MRPS9: variants seen among roughly 807,000 people sequenced by gnomAD.
The protein encoded by MRPS9 is small ribosomal subunit protein uS9m.
A neutral mutation model predicts 59.9 loss-of-function variants in MRPS9; 45 were observed. The observed-to-expected ratio is 0.75, with a 90% CI of 0.59 to 0.96. The LOEUF (loss-of-function observed/expected upper bound fraction) is 0.96, where lower values mean the gene tolerates loss of function less well. Ranked by LOEUF, MRPS9 falls within the 40% of genes least tolerant of loss-of-function variation. The pLI, the probability that MRPS9 is intolerant of heterozygous loss-of-function variation, is 0.00. For missense variants in MRPS9, 473 were observed against 481.1 expected, an observed-to-expected ratio of 0.98 and a Z score of 0.16; for synonymous variants, 171 against 166.8, an observed-to-expected ratio of 1.03 and a Z score of -0.19.
chr2:105,041,535 T>C (rs1175797937), intron 1 of MRPS9, among the ~76,000 whole-genome samples: 1 of 152,150 alleles, frequency 6.6e-6, no homozygotes, highest in Admixed American at 6.5e-5. Flanking sequence ...TCTGTTTTTT[T>C]TTTTTTAATC....
intron 2 of MRPS9, among the ~76,000 whole-genome samples, chr2:105,053,012 T>G (rs1471231397): frequency 2.0e-5 from 3 of 152,232 alleles, no homozygotes; most frequent in African/African-American, 7.2e-5. Context: ...TCCTCTGACC[T>G]TGGCCTCCCA....
intron 2 of MRPS9, among the ~76,000 whole-genome samples, chr2:105,065,210 T>G (rs139304908): frequency 6.6e-6 from 1 of 152,340 alleles, no homozygotes; most frequent in East Asian, 1.9e-4. Flanking sequence ...TCTCCTAATT[T>G]TACTACTAAA....
At chr2:105,039,297 A>G (rs1174967979) in intron 1 of MRPS9, among the ~76,000 whole-genome samples, 3 of 147,440 alleles carry the variant, frequency 2.0e-5, no homozygotes, top group African/African-American at 5.0e-5. Flanking sequence ...AGTCCATTCT[A>G]TCTATTCATG....
At chr2:105,074,973 A>G (rs1680178154) in intron 4 of MRPS9, among the ~76,000 whole-genome samples, 1 of 152,186 alleles carries the variant, frequency 6.6e-6, no homozygotes, top group Admixed American at 6.5e-5. Flanking sequence ...TGAAATAATT[A>G]TACAACTCAC....
At chr2:105,059,905 C>G in intron 2 of MRPS9, among the ~76,000 whole-genome samples, 1 of 151,798 alleles carries the variant, frequency 6.6e-6, no homozygotes, top group East Asian at 1.9e-4. Flanking sequence ...TCCTCACCAC[C>G]TTCCCCCAGT....
intron 2 of MRPS9, among the ~76,000 whole-genome samples, chr2:105,054,594 G>A (rs1322432416): frequency 4.6e-5 from 7 of 151,252 alleles, no homozygotes; most frequent in Admixed American, 3.3e-4. Flanking sequence ...TTTTGGTATC[G>A]CATTTTATTA....
In MRPS9 at chr2:105,077,633, G is replaced by C. The variant is rs79462153; in HGVS notation, c.410-2350G>C. Among the ~76,000 whole-genome samples the C allele has an allele frequency of 3.1e-3, 475 of 152,276 alleles. 2 individuals are homozygous for C. The highest frequency in any genetic ancestry group is 0.011 in the African/African-American group (449 of 41,558). Reference sequence around the variant, plus strand: ...AAACTCCCGCCTTGTTCTGGCAACGGAATTTTAACATGTGATCTGGGAAGT... The same window carrying C: ...AAACTCCCGCCTTGTTCTGGCAACGCAATTTTAACATGTGATCTGGGAAGT... On this transcript the variant is annotated intron_variant, in intron 4 of 10. Coordinates refer to ENST00000258455, the MANE Select transcript of MRPS9 (RefSeq NM_182640.3).
At chr2:105,073,757 C>T (rs12620928) in intron 4 of MRPS9, among the ~76,000 whole-genome samples, 44,004 of 151,974 alleles carry the variant, frequency 0.29, 6,471 homozygotes, top group Middle Eastern at 0.42. Flanking sequence ...AATACTTCAA[C>T]GAAGCAAGAA....
At chr2:105,097,985 A>G (rs1680703407) in intron 10 of MRPS9, among the ~76,000 whole-genome samples, 1 of 152,214 alleles carries the variant, frequency 6.6e-6, no homozygotes. Context: ...AGCATGAGCT[A>G]CCACACCTGG....
At chr2:105,084,769 A>G (rs1680415916) in intron 5 of MRPS9, among the ~76,000 whole-genome samples, 1 of 152,192 alleles carries the variant, frequency 6.6e-6, no homozygotes, top group Non-Finnish European at 1.5e-5. Flanking sequence ...TTAATTCAGT[A>G]ATTAATTCAG....
chr2:105,098,398 C>G (rs1680714401), intron 10 of MRPS9: 1 of 152,192 alleles, frequency 6.6e-6, no homozygotes, highest in Admixed American at 6.5e-5. Context: ...CCTTCTAGTA[C>G]AAGCCGCTGA....
At chr2:105,065,668 G>C (rs570362960) in intron 2 of MRPS9, among the ~76,000 whole-genome samples, 2 of 152,264 alleles carry the variant, frequency 1.3e-5, no homozygotes, top group African/African-American at 2.4e-5. Flanking sequence ...CGTGTTCACT[G>C]CTTCCTTTCT....
At chr2:105,043,122 C>T (rs1369955741) in intron 1 of MRPS9, among the ~76,000 whole-genome samples, 1 of 152,148 alleles carries the variant, frequency 6.6e-6, no homozygotes, top group South Asian at 2.1e-4. Flanking sequence ...CATCTATTAC[C>T]TATTTCATGT....
intron 2 of MRPS9, among the ~76,000 whole-genome samples, chr2:105,061,669 G>A (rs1295927112): frequency 6.6e-6 from 1 of 152,166 alleles, no homozygotes; most frequent in African/African-American, 2.4e-5. Flanking sequence ...ATGGTGATGG[G>A]GAAGAGTTAT....
At chr2:105,096,965 A>G (rs1249633494) in intron 9 of MRPS9, 190 bp from the exon 10 acceptor site, 3 of 504,490 alleles carry the variant, frequency 5.9e-6, no homozygotes, top group Non-Finnish European at 9.3e-6. Flanking sequence ...TTAATCTCTC[A>G]GCAAATCATT....
chr2:105,058,899 C>T (rs977709004), intron 2 of MRPS9, among the ~76,000 whole-genome samples: 1 of 151,940 alleles, frequency 6.6e-6, no homozygotes, highest in African/African-American at 2.4e-5. Flanking sequence ...AGGCTGGTCT[C>T]GAACCCCTGA....
intron 2 of MRPS9, among the ~76,000 whole-genome samples, chr2:105,051,591 G>A (rs1189189535): frequency 6.6e-6 from 1 of 152,168 alleles, no homozygotes; most frequent in Non-Finnish European, 1.5e-5. Flanking sequence ...CTAAGATTTT[G>A]ATAGGGATTG....
intron 2 of MRPS9, among the ~76,000 whole-genome samples, chr2:105,052,798 A>T (rs1679736639): frequency 6.6e-6 from 1 of 152,154 alleles, no homozygotes; most frequent in South Asian, 2.1e-4. Context: ...CTTACTTTTT[A>T]AAATGGTCCT....
intron 4 of MRPS9, among the ~76,000 whole-genome samples, chr2:105,075,461 C>T (rs191946837): frequency 5.3e-5 from 8 of 152,222 alleles, no homozygotes; most frequent in Admixed American, 5.2e-4. Context: ...AAGGCCCAGG[C>T]CTAGAAGGTT....
Sources: allele counts gnomAD v4.1 joint callset (sites outside exome capture counted in the v4.1 genomes callset), GRCh38; gene constraint gnomAD v4.1.1; transcripts MANE v1.5; gene names NCBI Gene and HGNC (gene_info 2026-07-23, HGNC 2026-07-21).